Variants in ESYT3 observed in about 807,000 individuals in gnomAD.
The protein encoded by ESYT3 is extended synaptotagmin 3.
ESYT3 carries 101 observed loss-of-function variants against 111.5 expected under a neutral mutation model. The ratio of observed to expected loss-of-function variants is 0.91; its 90% CI spans 0.77 to 1.07. The LOEUF (loss-of-function observed/expected upper bound fraction) is 1.07, where lower values mean the gene tolerates loss of function less well. Ranked by LOEUF, ESYT3 falls within the 50% of genes least tolerant of loss-of-function variation. ESYT3 has a pLI of 0.00. For missense variants in ESYT3, 1,097 were observed against 1,109.4 expected (o/e 0.99, Z 0.16); for synonymous variants, 416 against 446.8 (o/e 0.93, Z 0.87).
intron 8 of ESYT3, 73 bp downstream of exon 8, chr3:138,462,279 G>A (rs2032690892): frequency 6.3e-7 from 1 of 1,599,106 alleles, no homozygotes; most frequent in African/African-American, 1.3e-5. Context: ...CTTCACATGT[G>A]GTGCATTGGC....
intron 1 of ESYT3, among the ~76,000 whole-genome samples, chr3:138,449,227 GGT>G (rs2031771582): frequency 1.3e-5 from 2 of 151,698 alleles, no homozygotes; most frequent in Admixed American, 6.6e-5. Flanking sequence ...TGGGATTACA[GGT>G]GTGTGCCACC....
In ESYT3 at chr3:138,457,677, G is replaced by A. The variant is rs781740121; in HGVS notation, c.581+33G>A. On this transcript the variant is annotated intron_variant, in intron 4 of 22. Coordinates refer to ENST00000389567, the MANE Select transcript of ESYT3 (RefSeq NM_031913.5). ...CTATCGGGCTGGGTATGGGCTTCGG[G>A]GTGCAGGGGACACAGTGGGAACAGC... 1.0e-5 allele frequency: 16 copies of A among 1,605,760 alleles called. 2 individuals are homozygous for A. In the South Asian group the frequency reaches 1.4e-4, roughly 14 times the overall value.
chr3:138,473,886 T>C (rs1576469895), intron 19 of ESYT3, among the ~76,000 whole-genome samples: 1 of 152,360 alleles, frequency 6.6e-6, no homozygotes, highest in East Asian at 1.9e-4. Flanking sequence ...CAAGACTGTC[T>C]GGAGTGGCTG....
At chr3:138,450,093 A>G (rs772168349) in intron 1 of ESYT3, among the ~76,000 whole-genome samples, 2 of 152,324 alleles carry the variant, frequency 1.3e-5, no homozygotes, top group Non-Finnish European at 2.9e-5. Flanking sequence ...GAACGAATCA[A>G]TCAAAGGGGA....
In ESYT3 at chr3:138,472,674, TC is replaced by T; in HGVS notation, c.2054del (p.Pro685GlnfsTer6). The T allele has an allele frequency of 6.2e-7, 1 of 1,613,038 alleles. No homozygotes were observed. Among genetic ancestry groups the T allele is most frequent in the Middle Eastern group, 1.7e-4 (1 of 6,060 alleles). ...GTGAGCCCATCGGGGAGAAGAAGAG[TC>T]CAGCCACCATCTTCCTGACTGTCCC... is the stretch of plus-strand genomic sequence containing the variant. ...FCEPIGEKKS[P>X]ATIFLTVPGP... is the part of the protein sequence containing the mutation. On this transcript the variant is annotated frameshift_variant, in exon 18 of 23. Transcript: ENST00000389567. LOFTEE classifies it high-confidence loss of function.
In ESYT3 at chr3:138,469,418, G is replaced by A. The variant is rs982801295; in HGVS notation, c.1435-18G>A. On this transcript the variant is annotated intron_variant, in intron 14 of 22. Coordinates refer to ENST00000389567, the MANE Select transcript of ESYT3 (RefSeq NM_031913.5). ...TTGACTATGCCACCTTCACTGTTAT[G>A]GATTTGATTCCTCACAGAACAAGGT... is the stretch of plus-strand genomic sequence containing the variant. 6.2e-7 allele frequency: 1 copy of A among 1,609,754 alleles called. No individual in the cohort carries two copies. Among genetic ancestry groups the A allele is most frequent in the African/African-American group, 1.3e-5 (1 of 74,784 alleles).
At chr3:138,474,145 T>C in intron 19 of ESYT3, 76 bp from the exon 20 acceptor site, 1 of 1,563,586 alleles carries the variant, frequency 6.4e-7, no homozygotes. Flanking sequence ...TCTCAAACAC[T>C]GAAACTCTCA....
intron 4 of ESYT3, among the ~76,000 whole-genome samples, chr3:138,458,594 C>T (rs1305859681): frequency 6.6e-6 from 1 of 152,236 alleles, no homozygotes; most frequent in Non-Finnish European, 1.5e-5. Context: ...AGTGCTTTCA[C>T]AGGATCTGCT....
chr3:138,480,190 AAAC>A (rs765189464), downstream of ESYT3: 1 of 152,206 alleles, frequency 6.6e-6, no homozygotes, highest in Non-Finnish European at 1.5e-5. Flanking sequence ...TAATTACAAT[AAAC>A]AACACTATTA....
rs569790172 is a variant in ESYT3, at chr3:138,449,029, A to G, written c.328-3019A>G. On this transcript the variant is annotated intron_variant, in intron 1 of 22. Transcript: ENST00000389567. ...GTGGGCAATCGAGAGAAACCATGAC[A>G]GCTTAATCATTGTGGGCCTTGGTCA... Among the ~76,000 whole-genome samples, 29 of 151,474 alleles carry G rather than the reference A, an allele frequency of 1.9e-4. 1 individual carries two copies. In the South Asian group the frequency reaches 5.9e-3, roughly 31 times the overall value.
chr3:138,443,015 C>T (rs1018363487), intron 1 of ESYT3, among the ~76,000 whole-genome samples: 1 of 152,172 alleles, frequency 6.6e-6, no homozygotes, highest in Non-Finnish European at 1.5e-5. Flanking sequence ...AACTTACTAT[C>T]ATCGCTTAGG....
intron 13 of ESYT3, 43 bp from the exon 14 acceptor site, chr3:138,468,776 A>G (rs772784775): frequency 6.2e-7 from 1 of 1,613,882 alleles, no homozygotes. Context: ...ATCACTTTCA[A>G]ATTGTCCTGT....
In ESYT3 at chr3:138,470,069, C is replaced by T. The variant is rs1560240895; in HGVS notation, c.1513C>T (p.His505Tyr). Reference protein sequence around the residue: ...KKTHTSKTCPHNKDPVWSQVF... With the variant: ...KKTHTSKTCPYNKDPVWSQVF... ...CCTCTTCTGTTCCCAGACCTGTCCC[C>T]ACAACAAGGACCCTGTGTGGAGCCA... Residue 505 changes from histidine to tyrosine, a missense_variant, in exon 16 of 23, where the codon CAC (histidine) becomes TAC (tyrosine). His to Tyr is a moderately conservative substitution (Grantham distance 83). Coordinates refer to ENST00000389567, the MANE Select transcript of ESYT3 (RefSeq NM_031913.5). The T allele has an allele frequency of 1.9e-6, 3 of 1,612,480 alleles. No individual in the cohort carries two copies. The highest frequency in any genetic ancestry group is 2.7e-5 in the African/African-American group (2 of 74,880).
intron 1 of ESYT3, among the ~76,000 whole-genome samples, chr3:138,444,480 G>A (rs2031393488): frequency 6.6e-6 from 1 of 152,188 alleles, no homozygotes; most frequent in Admixed American, 6.5e-5. Flanking sequence ...CTAGAGAGCT[G>A]GATTTGTCTC....
At position 138,434,789 on chromosome 3, in the gene ESYT3, C is replaced by G; in HGVS notation, c.-10C>G. On this transcript the variant is annotated 5_prime_UTR_variant, in exon 1 of 23. Transcript: ENST00000389567. ...GAAGCTCTCGGGAAGGGCAAGACTG[C>G]GGCGACGAGATGCGAGCAGAGGAGC... 1.3e-6 allele frequency: 2 copies of G among 1,536,876 alleles called. No individual in the cohort carries two copies. The highest frequency in any genetic ancestry group is 2.5e-5 in the South Asian group (2 of 80,678).
At chr3:138,469,711 A>ACT (rs2033119907) in intron 15 of ESYT3, among the ~76,000 whole-genome samples, 1 of 152,200 alleles carries the variant, frequency 6.6e-6, no homozygotes, top group African/African-American at 2.4e-5. Flanking sequence ...AGGACACAGA[A>ACT]CTAGGGTTCA....
chr3:138,452,159 C>G, intron 2 of ESYT3, 70 bp downstream of exon 2: 3 of 1,501,804 alleles, frequency 2.0e-6, no homozygotes, highest in Admixed American at 1.8e-5. Flanking sequence ...GCTGTCACCC[C>G]CACAGCCTGA....
intron 1 of ESYT3, among the ~76,000 whole-genome samples, chr3:138,451,314 G>A (rs2031910448): frequency 6.6e-6 from 1 of 152,170 alleles, no homozygotes; most frequent in Admixed American, 6.5e-5. Context: ...GGGGCTTCTG[G>A]GAGCCAAGGT....
In ESYT3 at chr3:138,479,624, C is replaced by CTCAA. The variant is rs58276388; in HGVS notation, c.*2778_*2781dup. 3 of 151,500 alleles carry CTCAA rather than the reference C, an allele frequency of 2.0e-5. No individual in the cohort carries two copies. Among genetic ancestry groups the CTCAA allele is most frequent in the Non-Finnish European group, 4.4e-5 (3 of 67,868 alleles). 9.4% of individuals were successfully genotyped at this position (151,500 alleles called of 1,614,324 possible). A position where few individuals can be genotyped will look rare whatever the true frequency, so the allele number is the denominator to read the frequency against. On this transcript the variant is annotated 3_prime_UTR_variant, in exon 23 of 23. Coordinates refer to ENST00000389567, the MANE Select transcript of ESYT3 (RefSeq NM_031913.5). ...TAGCTAATTGGCATACAGAGCTGTT[C>CTCAA]TCAATCAATCACCTAAGTACCCCCA...
Sources: allele counts gnomAD v4.1 joint callset (sites outside exome capture counted in the v4.1 genomes callset), GRCh38; gene constraint gnomAD v4.1.1; transcripts MANE v1.5; gene names NCBI Gene and HGNC (gene_info 2026-07-23, HGNC 2026-07-21).